HTT: variants seen among roughly 807,000 people sequenced by gnomAD.
The protein encoded by HTT is huntington disease protein.
A neutral mutation model predicts 362.3 loss-of-function variants in HTT; 104 were observed. The ratio of observed to expected loss-of-function variants is 0.29; its 90% CI spans 0.24 to 0.34. The LOEUF is 0.34. Ranked by LOEUF, HTT falls within the 10% of genes least tolerant of loss-of-function variation. HTT has a pLI of 1.00. For missense variants in HTT, 3,301 were observed against 3,928.6 expected (o/e 0.84, Z 4.27); for synonymous variants, 1,577 against 1,548.7 (o/e 1.02, Z -0.43).
chr4:3,154,991 C>T (rs1217743404), intron 27 of HTT, among the ~76,000 whole-genome samples: 2 of 151,746 alleles, frequency 1.3e-5, no homozygotes, highest in Non-Finnish European at 1.5e-5. Flanking sequence ...TTATTGAATT[C>T]CCATCCATAC....
chr4:3,140,317 T>C (rs1400342544), intron 21 of HTT, among the ~76,000 whole-genome samples, 193 bp from the exon 22 acceptor site: 1 of 149,526 alleles, frequency 6.7e-6, no homozygotes, highest in Non-Finnish European at 1.5e-5. Context: ...TCCGAGTGGG[T>C]GCATGAGAGT....
chr4:3,200,472 C>A (rs1160185646), intron 41 of HTT, among the ~76,000 whole-genome samples: 1 of 152,142 alleles, frequency 6.6e-6, no homozygotes, highest in African/African-American at 2.4e-5. Flanking sequence ...CTAGGTGCTC[C>A]AACACTCCAT....
rs528500320 is a variant in HTT, at chr4:3,160,419, G to A, written c.3864+27G>A. On this transcript the variant is annotated intron_variant, in intron 29 of 66. Transcript: ENST00000355072. ...TTTGTGTCTTGTTTTTTCTCCTTGG[G>A]TTGTGGCTGGCACACTTGATGTGCG... is the stretch of plus-strand genomic sequence containing the variant. The A allele has an allele frequency of 5.8e-5, 82 of 1,421,692 alleles. 1 individual carries two copies. Among genetic ancestry groups the A allele is most frequent in the Non-Finnish European group, 7.9e-5 (81 of 1,028,120 alleles). The allele number at this position is 1,421,692 out of a possible 1,614,324, so 88.1% of individuals were successfully genotyped here.
intron 26 of HTT, among the ~76,000 whole-genome samples, chr4:3,151,372 G>C: frequency 6.6e-6 from 1 of 152,084 alleles, no homozygotes; most frequent in South Asian, 2.1e-4. Flanking sequence ...GAGAGACAGA[G>C]AGAGAGAGAG....
chr4:3,174,039 T>C (rs763009040), intron 31 of HTT, among the ~76,000 whole-genome samples: 9 of 152,242 alleles, frequency 5.9e-5, no homozygotes, highest in Non-Finnish European at 1.2e-4. Flanking sequence ...TTGCCTTAAG[T>C]ATGAACAGGT....
intron 3 of HTT, among the ~76,000 whole-genome samples, chr4:3,103,127 C>G (rs544150363): frequency 7.9e-5 from 12 of 151,610 alleles, no homozygotes; most frequent in African/African-American, 2.9e-4. Flanking sequence ...CGTCTGAGCC[C>G]GTATCATCCA....
At chr4:3,234,239 G>A (rs1011832896) in intron 61 of HTT, among the ~76,000 whole-genome samples, 2 of 152,260 alleles carry the variant, frequency 1.3e-5, no homozygotes, top group Admixed American at 6.5e-5. Context: ...GGCAGGATTT[G>A]GGACATGCTG....
intron 37 of HTT, among the ~76,000 whole-genome samples, chr4:3,185,243 TGACACAGGA>T (rs1177605471): frequency 3.9e-5 from 6 of 152,314 alleles, no homozygotes; most frequent in Admixed American, 2.6e-4. Context: ...GATCAGTTCA[TGACACAGGA>T]GACACAAATC....
At chr4:3,151,988 C>A (rs1157678190) in intron 26 of HTT, among the ~76,000 whole-genome samples, 1 of 152,080 alleles carries the variant, frequency 6.6e-6, no homozygotes, top group Non-Finnish European at 1.5e-5. Flanking sequence ...AGTGCAGTGT[C>A]ATGATCATAG....
At chr4:3,102,106 G>A (rs960028885) in intron 3 of HTT, among the ~76,000 whole-genome samples, 14 of 152,150 alleles carry the variant, frequency 9.2e-5, no homozygotes, top group African/African-American at 3.1e-4. Flanking sequence ...AGAGTGACCC[G>A]GTGAGGACGT....
At chr4:3,193,283 A>T (rs1719101869) in intron 40 of HTT, among the ~76,000 whole-genome samples, 1 of 152,188 alleles carries the variant, frequency 6.6e-6, no homozygotes, top group Admixed American at 6.5e-5. Context: ...TATTGAAATA[A>T]TTTTCTTGTT....
At chr4:3,217,160 T>G (rs1344289034) in intron 51 of HTT, among the ~76,000 whole-genome samples, 1 of 152,218 alleles carries the variant, frequency 6.6e-6, no homozygotes, top group African/African-American at 2.4e-5. Flanking sequence ...AATAGCCACG[T>G]AATACACACT....
In HTT at chr4:3,206,482, A is replaced by C. The variant is rs367601167; in HGVS notation, c.5719-14A>C. The C allele has an allele frequency of 1.2e-4, 188 of 1,607,858 alleles. No homozygotes were observed. Among genetic ancestry groups the C allele is most frequent in the Non-Finnish European group, 1.5e-4 (181 of 1,174,598 alleles). The stretch of plus-strand genomic sequence containing the variant: ...TGTACTTGAAAATGAATCTCTCATC[A>C]TATTTTTCCTTAGTGTCAGAACCTC... On this transcript the variant is annotated splice_polypyrimidine_tract_variant and intron_variant, in intron 42 of 66. Coordinates refer to ENST00000355072, the MANE Select transcript of HTT (RefSeq NM_001388492.1). The surrounding 1 kb of genome is among the most constrained non-coding windows in gnomAD (Gnocchi z 4.6).
chr4:3,132,767 A>C (rs1489822398), intron 17 of HTT, 47 bp downstream of exon 17: 1 of 1,613,098 alleles, frequency 6.2e-7, no homozygotes, highest in East Asian at 2.2e-5. Flanking sequence ...ATGCTTACTA[A>C]GGTTTAAGTT....
At chr4:3,092,294 A>G (rs187926276) in intron 2 of HTT, among the ~76,000 whole-genome samples, 139 of 152,322 alleles carry the variant, frequency 9.1e-4, no homozygotes, top group African/African-American at 3.3e-3. Context: ...TGTTGGGATT[A>G]CAGGTGTGAG....
rs916535164 is a variant in HTT, at chr4:3,157,173, C to T, written c.3727C>T (p.Leu1243=). Residue 1243 remains leucine (L), a synonymous_variant, in exon 28 of 67, where the codon CTG becomes TTG. Transcript: ENST00000355072. ...LPSYLKLHDV[L]KATHANYKVT... is the part of the protein sequence containing the mutation. ...TTCATACCTCAAACTGCATGATGTCCTGAAAGCTACACACGCTAACTACAA... is the reference window on the plus strand; with the variant it reads ...TTCATACCTCAAACTGCATGATGTCTTGAAAGCTACACACGCTAACTACAA... 36 of 1,613,642 alleles carry T rather than the reference C, an allele frequency of 2.2e-5. No individual in the cohort carries two copies. Among genetic ancestry groups the T allele is most frequent in the Non-Finnish European group, 3.1e-5 (36 of 1,179,814 alleles).
chr4:3,150,345 G>A lies in HTT; in HGVS notation c.3498+2138G>A, dbSNP rs112581590. On this transcript the variant is annotated intron_variant, in intron 26 of 66. Coordinates refer to ENST00000355072, the MANE Select transcript of HTT (RefSeq NM_001388492.1). ...AAATTTAAATAACCTTATGTGGGTA[G>A]TGGCTCCAGTATTGGGCAGGGCAGC... Among the ~76,000 whole-genome samples the A allele has an allele frequency of 1.6e-4, 24 of 152,330 alleles. 1 individual carries two copies. The highest frequency in any genetic ancestry group is 5.5e-4 in the African/African-American group (23 of 41,582).
Position 3,214,145 on chromosome 4 carries a change from C to T in HTT, c.6952+10C>T, listed in dbSNP as rs775119459. On this transcript the variant is annotated intron_variant, in intron 50 of 66. Coordinates refer to ENST00000355072, the MANE Select transcript of HTT (RefSeq NM_001388492.1). ...TTCATCCTGGAGGCCGGTGAGTCCC[C>T]GTCCATGAACGGTGGGTTCCTATCA... is the stretch of plus-strand genomic sequence containing the variant. 11 of 1,473,406 alleles carry T rather than the reference C, an allele frequency of 7.5e-6. No homozygotes were observed. Among genetic ancestry groups the T allele is most frequent in the East Asian group, 2.6e-5 (1 of 38,924 alleles). The allele number at this position is 1,473,406 out of a possible 1,614,324, so 91.3% of individuals were successfully genotyped here.
chr4:3,235,685 T>C lies in HTT; in HGVS notation c.8692T>C (p.Ser2898Pro). 1 of 1,613,624 alleles carries C rather than the reference T, an allele frequency of 6.2e-7. No homozygotes were observed. The highest frequency in any genetic ancestry group is 8.5e-7 in the Non-Finnish European group (1 of 1,180,026). The change falls in exon 63 of 67, where the codon TCG becomes CCG. Residue 2898 changes from serine (S) to proline (P), a missense_variant. Around this residue, in one of 4 missense-constraint regions of HTT, gnomAD observed 753 missense variants for 1,021.3 expected, o/e 0.74. Coordinates refer to ENST00000355072, the MANE Select transcript of HTT (RefSeq NM_001388492.1). ...GCAGCTCTCCCGCCTGGATGCAGAA[T>C]CGCTGGTCAAGCTGAGTGTGGACAG... ...SEQLSRLDAE[S>P]LVKLSVDRVN...
Sources: allele counts gnomAD v4.1 joint callset (sites outside exome capture counted in the v4.1 genomes callset), GRCh38; gene constraint gnomAD v4.1.1; regional missense constraint gnomAD v4.1.1; non-coding constraint Gnocchi (gnomAD v3.1); transcripts MANE v1.5; gene names NCBI Gene and HGNC (gene_info 2026-07-23, HGNC 2026-07-21).